Variants in CHN1 observed in about 807,000 individuals in gnomAD.
CHN1 encodes the protein chimerin 1.
In CHN1, 37 loss-of-function variants were observed where a neutral mutation model predicts 59.5. The ratio of observed to expected loss-of-function variants is 0.62; its 90% confidence interval spans 0.48 to 0.82. The LOEUF is 0.82. Among genes scored for constraint, CHN1 ranks in the 40% least tolerant of loss-of-function variants. The pLI, the probability that CHN1 is intolerant of heterozygous loss-of-function variation, is 0.00. For synonymous variants in CHN1, 206 were observed against 200.4 expected, an observed-to-expected ratio of 1.03 and a Z score of -0.24; for missense variants, 469 against 571.0, an observed-to-expected ratio of 0.82 and a Z score of 1.82.
intron 3 of CHN1, among the ~76,000 whole-genome samples, chr2:174,943,690 TATG>T (rs1477921894): frequency 2.0e-5 from 3 of 152,176 alleles, no homozygotes; most frequent in African/African-American, 4.8e-5. Flanking sequence ...ATCATATTAT[TATG>T]ATAATAATTA....
chr2:174,838,094 CT>C (rs1050683201), intron 7 of CHN1, among the ~76,000 whole-genome samples: 5 of 149,722 alleles, frequency 3.3e-5, no homozygotes, highest in South Asian at 2.1e-4. Context: ...AAACCTCACT[CT>C]TTTTTTTTTC....
intron 1 of CHN1, among the ~76,000 whole-genome samples, chr2:174,987,973 C>CA (rs572492305): frequency 2.7e-5 from 4 of 150,914 alleles, no homozygotes; most frequent in South Asian, 2.1e-4. Context: ...TGAGAAAGAC[C>CA]AAAAAAAACC....
chr2:174,839,504 A>G (rs1686212382), intron 7 of CHN1, among the ~76,000 whole-genome samples: 1 of 152,176 alleles, frequency 6.6e-6, no homozygotes, highest in Non-Finnish European at 1.5e-5. Flanking sequence ...GCTGCTGTTC[A>G]ATGCATATAA....
chr2:174,811,452 G>T, intron 10 of CHN1, 59 bp downstream of exon 10: 1 of 1,131,040 alleles, frequency 8.8e-7, no homozygotes, highest in South Asian at 1.5e-5. Flanking sequence ...ACAAGAAATT[G>T]TGCCTTTTTA....
intron 1 of CHN1, among the ~76,000 whole-genome samples, chr2:174,970,080 G>A (rs531537943): frequency 2.6e-5 from 4 of 152,110 alleles, no homozygotes; most frequent in Admixed American, 6.5e-5. Flanking sequence ...AAGAAAAATC[G>A]TTTAACCTAA....
chr2:174,981,947 TC>T (rs1192798525), intron 1 of CHN1, among the ~76,000 whole-genome samples: 1 of 152,012 alleles, frequency 6.6e-6, no homozygotes, highest in Non-Finnish European at 1.5e-5. Context: ...CCCTCCCTGC[TC>T]CCCCCACCCC....
intron 1 of CHN1, among the ~76,000 whole-genome samples, chr2:174,987,510 T>A (rs976215993): frequency 4.0e-5 from 6 of 151,402 alleles, no homozygotes; most frequent in African/African-American, 1.5e-4. Context: ...CAGGTTCAAG[T>A]GATTCTCCTG....
At chr2:174,898,883 C>A (rs1688299628) in intron 5 of CHN1, among the ~76,000 whole-genome samples, 1 of 152,130 alleles carries the variant, frequency 6.6e-6, no homozygotes, top group African/African-American at 2.4e-5. Flanking sequence ...CTAAAATATT[C>A]CCGATTACCT....
At chr2:174,806,212 T>A (rs934967740) in intron 11 of CHN1, among the ~76,000 whole-genome samples, 1 of 152,134 alleles carries the variant, frequency 6.6e-6, no homozygotes, top group African/African-American at 2.4e-5. Flanking sequence ...TTGGAAGAAC[T>A]TCCAGCTGTA....
At chr2:174,933,060 G>A (rs956563858) in intron 3 of CHN1, among the ~76,000 whole-genome samples, 5 of 152,122 alleles carry the variant, frequency 3.3e-5, no homozygotes, top group African/African-American at 1.2e-4. Context: ...GGAAGGCTGT[G>A]GTAATAGAAG....
intron 6 of CHN1, among the ~76,000 whole-genome samples, chr2:174,853,879 G>A (rs188323109): frequency 7.9e-5 from 12 of 152,252 alleles, no homozygotes; most frequent in Admixed American, 7.9e-4. Flanking sequence ...CTTACATGCA[G>A]AAGTTAAATG....
chr2:174,943,079 G>A (rs899176995), intron 3 of CHN1, among the ~76,000 whole-genome samples: 1 of 151,734 alleles, frequency 6.6e-6, no homozygotes, highest in Non-Finnish European at 1.5e-5. Flanking sequence ...AAGTAAATAA[G>A]TAAATAAATA....
intron 5 of CHN1, among the ~76,000 whole-genome samples, chr2:174,891,750 G>T (rs980007476): frequency 6.6e-6 from 1 of 151,792 alleles, no homozygotes; most frequent in Non-Finnish European, 1.5e-5. Flanking sequence ...CTCAAAGTTA[G>T]CAAAAGGAAG....
intron 8 of CHN1, among the ~76,000 whole-genome samples, chr2:174,814,770 C>T (rs1685190319): frequency 6.6e-6 from 1 of 152,108 alleles, no homozygotes; most frequent in Non-Finnish European, 1.5e-5. Flanking sequence ...AAGTTGAACT[C>T]AAGGCTAAAA....
At chr2:174,803,493 A>G (rs1684793299) in intron 11 of CHN1, among the ~76,000 whole-genome samples, 1 of 152,242 alleles carries the variant, frequency 6.6e-6, no homozygotes, top group Non-Finnish European at 1.5e-5. Context: ...GCCAGCTCAG[A>G]TACTGAAATT....
intron 1 of CHN1, among the ~76,000 whole-genome samples, chr2:174,962,053 G>A (rs911408314): frequency 3.8e-4 from 58 of 152,034 alleles, no homozygotes; most frequent in Admixed American, 3.3e-4. Flanking sequence ...TTGTTAGGCC[G>A]AGGCAGACAG....
chr2:174,853,363 A>T (rs1413304297), intron 6 of CHN1, among the ~76,000 whole-genome samples: 1 of 152,224 alleles, frequency 6.6e-6, no homozygotes, highest in Non-Finnish European at 1.5e-5. Context: ...ATCACTAATC[A>T]TCAGAGAAAT....
At chr2:174,879,746 G>T (rs1020661007) in intron 5 of CHN1, among the ~76,000 whole-genome samples, 1 of 152,104 alleles carries the variant, frequency 6.6e-6, no homozygotes, top group Admixed American at 6.5e-5. Flanking sequence ...TATTTCGGTT[G>T]TATCAGACAC....
At chr2:174,848,426 G>C (rs908162573) in intron 6 of CHN1, among the ~76,000 whole-genome samples, 1 of 152,092 alleles carries the variant, frequency 6.6e-6, no homozygotes, top group African/African-American at 2.4e-5. Context: ...AGGTGCTACA[G>C]GATGCTTACA....
Sources: allele counts gnomAD v4.1 joint callset (sites outside exome capture counted in the v4.1 genomes callset), GRCh38; gene constraint gnomAD v4.1.1; transcripts MANE v1.5; gene names NCBI Gene and HGNC (gene_info 2026-07-23, HGNC 2026-07-21).